FLRT2: variants seen among roughly 807,000 people sequenced by gnomAD.
FLRT2 encodes fibronectin leucine rich transmembrane protein 2.
Under a neutral mutation model 40.0 loss-of-function variants are expected in FLRT2, and 15 were observed. The observed-to-expected ratio is 0.38, with a 90% CI of 0.25 to 0.58. FLRT2 has a LOEUF of 0.58. Ranked by LOEUF, FLRT2 falls within the 20% of genes least tolerant of loss-of-function variation. The pLI is 0.71. For missense variants in FLRT2, 726 were observed against 840.0 expected (o/e 0.86, Z 1.68); for synonymous variants, 380 against 336.8 (o/e 1.13, Z -1.41).
intron 1 of FLRT2, among the ~76,000 whole-genome samples, chr14:85,603,125 T>G (rs1006112785): frequency 3.3e-5 from 5 of 152,302 alleles, no homozygotes; most frequent in East Asian, 1.9e-4. Flanking sequence ...CCATCTGCCT[T>G]AAATTATTAA....
chr14:85,550,792 G>A (rs375617119), intron 1 of FLRT2, among the ~76,000 whole-genome samples: 9 of 152,014 alleles, frequency 5.9e-5, no homozygotes, highest in Admixed American at 2.0e-4. Flanking sequence ...ATTTTTCTTT[G>A]TGCTGAAGGA....
chr14:85,577,535 G>T (rs533448307), intron 1 of FLRT2, among the ~76,000 whole-genome samples: 1 of 151,924 alleles, frequency 6.6e-6, no homozygotes, highest in Non-Finnish European at 1.5e-5. Context: ...TTTTAGTCTG[G>T]CTATTAGCCT....
intron 1 of FLRT2, among the ~76,000 whole-genome samples, chr14:85,590,985 T>C (rs191164547): frequency 1.1e-4 from 16 of 152,236 alleles, no homozygotes; most frequent in Admixed American, 7.8e-4. Context: ...TGAATTTCTG[T>C]GTGGCCTTGA....
At position 85,571,144 on chromosome 14, in the gene FLRT2, T is replaced by C. The variant is rs139660109; in HGVS notation, c.-377+40610T>C. On this transcript the variant is annotated intron_variant, in intron 1 of 1. Coordinates refer to ENST00000330753, the MANE Select transcript of FLRT2 (RefSeq NM_013231.6). ...TCAAGACTGAGATGGTTTCAATGGA[T>C]ATACTTTACTTCAGCCCTGGATGAT... is the stretch of plus-strand genomic sequence containing the variant. 8.4e-4 allele frequency among the ~76,000 whole-genome samples: 128 copies of C among 152,264 alleles called. 1 individual carries two copies. In the Middle Eastern group the frequency reaches 0.014, roughly 16 times the overall value.
In FLRT2 at chr14:85,645,035, G is replaced by A. The variant is rs1168293471; in HGVS notation, c.*21538G>A. ...AATAGATGCCGAAAGAGGCTCAACTGTTGGCTATTGGATCCCGAGTAGTAA... is the reference window on the plus strand; with the variant it reads ...AATAGATGCCGAAAGAGGCTCAACTATTGGCTATTGGATCCCGAGTAGTAA... On this transcript the variant is annotated 3_prime_UTR_variant, in exon 2 of 2. Coordinates refer to ENST00000330753, the MANE Select transcript of FLRT2 (RefSeq NM_013231.6). 4 of 152,082 alleles carry A rather than the reference G, an allele frequency of 2.6e-5. No individual in the cohort carries two copies. Among genetic ancestry groups the A allele is most frequent in the Admixed American group, 1.3e-4 (2 of 15,266 alleles). 9.4% of individuals were successfully genotyped at this position (152,082 alleles called of 1,614,324 possible).
At chr14:85,557,180 A>G (rs1034242864) in intron 1 of FLRT2, among the ~76,000 whole-genome samples, 3 of 152,170 alleles carry the variant, frequency 2.0e-5, no homozygotes, top group Admixed American at 6.5e-5. Flanking sequence ...ATCAGATGTT[A>G]TGAATAAACC....
chr14:85,623,103 A>G lies in FLRT2; in HGVS notation c.1589A>G (p.Glu530Gly). Residue 530 changes from glutamate (E) to glycine (G), a missense_variant, in exon 2 of 2, where the codon GAG becomes GGG. Coordinates refer to ENST00000330753, the MANE Select transcript of FLRT2 (RefSeq NM_013231.6). The stretch of plus-strand genomic sequence containing the variant: ...GGCAGCAACACAGCGTCCAGCCATG[A>G]GCAGACGACGTCCCACAGCATGGGC... ...NNGSNTASSH[E>G]QTTSHSMGSP... The G allele has an allele frequency of 6.2e-7, 1 of 1,613,320 alleles. No homozygotes were observed. Among genetic ancestry groups the G allele is most frequent in the Non-Finnish European group, 8.5e-7 (1 of 1,179,534 alleles).
chr14:85,555,446 CAA>C (rs1469221465), intron 1 of FLRT2, among the ~76,000 whole-genome samples: 1 of 152,086 alleles, frequency 6.6e-6, no homozygotes, highest in Non-Finnish European at 1.5e-5. Flanking sequence ...TGGCAGCAGA[CAA>C]GAGAGAATGA....
In FLRT2 at chr14:85,631,249, T is replaced by G. The variant is rs1893865987; in HGVS notation, c.*7752T>G. ...CATTCCCCTTTGCCTGATGACATAT[T>G]TGTCCTTTAAGATACAAGTCAAAGA... On this transcript the variant is annotated 3_prime_UTR_variant, in exon 2 of 2. Transcript: ENST00000330753. The G allele has an allele frequency of 6.6e-6, 1 of 151,408 alleles. No individual in the cohort carries two copies. Among genetic ancestry groups the G allele is most frequent in the Non-Finnish European group, 1.5e-5 (1 of 67,962 alleles). The allele number at this position is 151,408 out of a possible 1,614,324, so 9.4% of individuals were successfully genotyped here.
At chr14:85,620,060 G>A (rs1315486916) in intron 1 of FLRT2, among the ~76,000 whole-genome samples, 1 of 152,224 alleles carries the variant, frequency 6.6e-6, no homozygotes, top group Admixed American at 6.5e-5. Flanking sequence ...GAGGAGATAA[G>A]TGGAAATGTT....
At chr14:85,592,789 C>CA (rs34002874) in intron 1 of FLRT2, among the ~76,000 whole-genome samples, 4,464 of 90,614 alleles carry the variant, frequency 0.049, 268 homozygotes, top group African/African-American at 0.11. Context: ...AACTCCGTCT[C>CA]AAAAAAAAAA....
At chr14:85,562,874 G>A (rs1183004537) in intron 1 of FLRT2, 1 of 151,920 alleles carries the variant, frequency 6.6e-6, no homozygotes, top group Non-Finnish European at 1.5e-5. Context: ...ATACCGTGAG[G>A]GAAAATCAAT....
chr14:85,592,695 A>C (rs1339507837), intron 1 of FLRT2, among the ~76,000 whole-genome samples: 1 of 150,390 alleles, frequency 6.6e-6, no homozygotes, highest in East Asian at 2.0e-4. Flanking sequence ...AGGCTGAGGC[A>C]GGAGAATCGC....
Position 85,625,967 on chromosome 14 carries a change from T to A in FLRT2, c.*2470T>A, listed in dbSNP as rs1893666643. ...ATTTCTTATGGGGTTCACAGAATTA[T>A]TTGGGGCTTAAATGGTACAATGGAG... On this transcript the variant is annotated 3_prime_UTR_variant, in exon 2 of 2. Transcript: ENST00000330753. 1 of 167,056 alleles carries A rather than the reference T, an allele frequency of 6.0e-6. No homozygotes were observed. The highest frequency in any genetic ancestry group is 1.5e-5 in the Non-Finnish European group (1 of 68,130). The allele number at this position is 167,056 out of a possible 1,614,324, so 10.3% of individuals were successfully genotyped here.
intron 1 of FLRT2, among the ~76,000 whole-genome samples, chr14:85,571,985 C>T (rs779376113): frequency 6.6e-6 from 1 of 152,150 alleles, no homozygotes; most frequent in Non-Finnish European, 1.5e-5. Flanking sequence ...TGAGAACGAT[C>T]ACTATTATTA....
intron 1 of FLRT2, among the ~76,000 whole-genome samples, chr14:85,536,090 A>G (rs559073414): frequency 6.6e-6 from 1 of 152,042 alleles, no homozygotes; most frequent in South Asian, 2.1e-4. Context: ...CTTTTCCTGT[A>G]TGTTAGGTTT....
chr14:85,591,007 A>G (rs1165785546), intron 1 of FLRT2, among the ~76,000 whole-genome samples: 1 of 140,066 alleles, frequency 7.1e-6, no homozygotes, highest in Admixed American at 6.8e-5. Context: ...TGAGTCACTA[A>G]ATCATTTGTA....
intron 1 of FLRT2, among the ~76,000 whole-genome samples, chr14:85,573,744 G>A (rs1434396100): frequency 1.3e-5 from 2 of 152,160 alleles, no homozygotes; most frequent in Admixed American, 6.5e-5. Context: ...TCCCCTCAGC[G>A]TCCTCATCTG....
At chr14:85,602,055 G>A (rs1002576781) in intron 1 of FLRT2, among the ~76,000 whole-genome samples, 3 of 152,158 alleles carry the variant, frequency 2.0e-5, no homozygotes, top group African/African-American at 7.2e-5. Context: ...ATCTAAGCCT[G>A]TGAATACAAT....
Sources: gnomAD v4.1 joint callset for allele counts (sites outside exome capture counted in the v4.1 genomes callset) on GRCh38, gnomAD v4.1.1 for gene constraint, MANE v1.5 for transcripts, NCBI Gene and HGNC (gene_info 2026-07-23, HGNC 2026-07-21) for gene names.